The following PTPRF variants were observed in gnomAD, a reference collection of about 807,000 sequenced individuals.
The protein encoded by PTPRF is protein tyrosine phosphatase receptor type F.
A neutral mutation model predicts 201.8 loss-of-function variants in PTPRF; 59 were observed. That is an observed-to-expected ratio of 0.29 (90% CI 0.24 to 0.36). The LOEUF is 0.36. PTPRF is among the 10% of genes least tolerant of loss of function. The pLI is 1.00. For missense variants in PTPRF, 2,132 were observed against 2,690.5 expected (o/e 0.79, Z 4.59); for synonymous variants, 1,088 against 1,089.7 (o/e 1.00, Z 0.03).
rs371590321 is a variant in PTPRF at position 43,603,376 on chromosome 1, G to A, written c.2341-40G>A. Reference sequence around the variant, plus strand: ...CCCTGACAAGGTCTGGCCTCTCCCTGCATTCTTGTGATGGGAACGAACCCC... The same window carrying A: ...CCCTGACAAGGTCTGGCCTCTCCCTACATTCTTGTGATGGGAACGAACCCC... On this transcript the variant is annotated intron_variant, in intron 14 of 33. Coordinates refer to ENST00000359947, the MANE Select transcript of PTPRF (RefSeq NM_002840.5). This position sits in a 1 kb window ranked among gnomAD's most constrained non-coding sequence, Gnocchi z 5.8. 5 of 1,573,348 alleles carry A rather than the reference G, an allele frequency of 3.2e-6. No homozygotes were observed. The highest frequency in any genetic ancestry group is 4.4e-6 in the Non-Finnish European group (5 of 1,143,076).
At chr1:43,597,245 CTGTG>C (rs35464570) in intron 11 of PTPRF, among the ~76,000 whole-genome samples, 79 of 152,106 alleles carry the variant, frequency 5.2e-4, no homozygotes, top group African/African-American at 1.7e-3. Flanking sequence ...ATGTGTGAGA[CTGTG>C]TGTGTGAAAC....
chr1:43,526,942 T>C (rs555703986), upstream of PTPRF, among the ~76,000 whole-genome samples: 6 of 152,302 alleles, frequency 3.9e-5, no homozygotes, highest in East Asian at 1.2e-3. Context: ...TCTGGGATTG[T>C]GCAAACCCCT....
At position 43,537,862 on chromosome 1, in the gene PTPRF, C is replaced by G. The variant is rs1045950019; in HGVS notation, c.-125-336C>G. ...GTAGGGCTGCAGAGGTGGGAGGGGC[C>G]GACTCTGCTTGGCTCTGGGGTCATG... is the stretch of plus-strand genomic sequence containing the variant. On this transcript the variant is annotated intron_variant, in intron 1 of 33. Coordinates refer to ENST00000359947, the MANE Select transcript of PTPRF (RefSeq NM_002840.5). This position sits in a 1 kb window ranked among gnomAD's most constrained non-coding sequence, Gnocchi z 4.8. 6.6e-6 allele frequency among the ~76,000 whole-genome samples: 1 copy of G among 152,042 alleles called. No individual in the cohort carries two copies. The highest frequency in any genetic ancestry group is 1.5e-5 in the Non-Finnish European group (1 of 68,008).
chr1:43,523,348 A>G (rs549751736), upstream of PTPRF, among the ~76,000 whole-genome samples: 4 of 152,318 alleles, frequency 2.6e-5, no homozygotes, highest in East Asian at 3.9e-4. Context: ...ACAGTACTCA[A>G]TGCTGTAGGC....
upstream of PTPRF, among the ~76,000 whole-genome samples, chr1:43,526,498 T>C (rs1643116930): frequency 6.6e-6 from 1 of 152,132 alleles, no homozygotes; most frequent in African/African-American, 2.4e-5. Flanking sequence ...GTCCTGGGCC[T>C]TTTTTCTCCC....
chr1:43,526,361 G>A (rs1643109063), upstream of PTPRF, among the ~76,000 whole-genome samples: 1 of 152,162 alleles, frequency 6.6e-6, no homozygotes, highest in Non-Finnish European at 1.5e-5. Flanking sequence ...TTGGGAGGCT[G>A]AGGCTGGAGG....
chr1:43,560,309 G>A (rs1211196155), intron 5 of PTPRF, among the ~76,000 whole-genome samples: 1 of 151,458 alleles, frequency 6.6e-6, no homozygotes, highest in Admixed American at 6.6e-5. Context: ...AGCAGGCCAT[G>A]TGTGTGGTGC....
intron 7 of PTPRF, chr1:43,583,026 T>A (rs1648139974): frequency 1.0e-6 from 1 of 968,896 alleles, no homozygotes; most frequent in Non-Finnish European, 1.2e-6. Context: ...GTCTTTTTTT[T>A]ATTCCCTCCT....
In PTPRF at chr1:43,602,065, G is replaced by A; in HGVS notation, c.2314-6G>A. 2 of 1,612,742 alleles carry A rather than the reference G, an allele frequency of 1.2e-6. No individual in the cohort carries two copies. Among genetic ancestry groups the A allele is most frequent in the African/African-American group, 1.3e-5 (1 of 74,996 alleles). On this transcript the variant is annotated splice_region_variant and splice_polypyrimidine_tract_variant and intron_variant, in intron 13 of 33. Coordinates refer to ENST00000359947, the MANE Select transcript of PTPRF (RefSeq NM_002840.5). Reference sequence around the variant, plus strand: ...GTCTCCCTTTCTCTCCCTCTCCCGCGGTCAGTGGCGGCCAGAGGAGTCCGA... The same window carrying A: ...GTCTCCCTTTCTCTCCCTCTCCCGCAGTCAGTGGCGGCCAGAGGAGTCCGA...
At position 43,603,421 on chromosome 1, in the gene PTPRF, C is replaced by G. The variant is rs1473849838; in HGVS notation, c.2346C>G (p.Thr782=). 1 of 1,613,960 alleles carries G rather than the reference C, an allele frequency of 6.2e-7. No individual in the cohort carries two copies. Among genetic ancestry groups the G allele is most frequent in the South Asian group, 1.1e-5 (1 of 91,074 alleles). Residue 782 remains threonine (T), a synonymous_variant, in exon 15 of 34, where the codon ACC becomes ACG. Coordinates refer to ENST00000359947, the MANE Select transcript of PTPRF (RefSeq NM_002840.5). The surrounding 1 kb of genome is among the most constrained non-coding windows in gnomAD (Gnocchi z 5.8). The part of the protein sequence containing the change: ...WRPEESEDYE[T]TISGLTPETT... ...AACCCCTCCTCCTCCCTCAGGAAAC[C>G]ACTATCAGCGGCCTGACCCCGGAGA...
intron 5 of PTPRF, among the ~76,000 whole-genome samples, chr1:43,566,732 T>C (rs1646212903): frequency 6.6e-6 from 1 of 152,200 alleles, no homozygotes; most frequent in Admixed American, 6.5e-5. Flanking sequence ...AGCCCTCCTG[T>C]AAGACCCACT....
At chr1:43,529,410 A>G (rs1643265698), upstream of PTPRF, among the ~76,000 whole-genome samples, 1 of 152,204 alleles carries the variant, frequency 6.6e-6, no homozygotes, top group South Asian at 2.1e-4. Context: ...ACACCACAGC[A>G]ACCATGCCCT....
rs1003687156 is a variant in PTPRF, at chr1:43,560,731, C to T, written c.379+6790C>T. Among the ~76,000 whole-genome samples, 4 of 152,254 alleles carry T rather than the reference C, an allele frequency of 2.6e-5. No homozygotes were observed. The South Asian group carries it at 8.3e-4, about 32-fold the overall frequency. On this transcript the variant is annotated intron_variant, in intron 5 of 33. Transcript: ENST00000359947. ...AGCTGTTCTCAGCACCTGTTGTGGT[C>T]GACCTCAGCAGCTCCTCTGTAGCCA... is the stretch of plus-strand genomic sequence containing the variant.
intron 16 of PTPRF, 71 bp downstream of exon 16, chr1:43,604,260 A>ACTGACCTCTGGCGACTGTGATC (rs1654505380): frequency 2.7e-5 from 41 of 1,501,670 alleles, no homozygotes; most frequent in South Asian, 2.5e-4. Flanking sequence ...TCCTTGAGCC[A>ACTGACCTCTGGCGACTGTGATC]CTGACCTCTG....
chr1:43,618,054 T>C (rs1410288295), intron 25 of PTPRF, 143 bp downstream of exon 25: 1 of 876,222 alleles, frequency 1.1e-6, no homozygotes, highest in Non-Finnish European at 1.7e-6. Flanking sequence ...GGGGGTATTA[T>C]GCTCCCCAAA....
At chr1:43,617,976 A>G in intron 25 of PTPRF, 65 bp downstream of exon 25, 1 of 1,502,866 alleles carries the variant, frequency 6.7e-7, no homozygotes, top group Non-Finnish European at 9.0e-7. Context: ...GATACAGGGC[A>G]CCTTCTTCTG....
At chr1:43,541,517 G>T (rs1244428326) in intron 2 of PTPRF, among the ~76,000 whole-genome samples, 2 of 152,176 alleles carry the variant, frequency 1.3e-5, no homozygotes, top group Non-Finnish European at 2.9e-5. Flanking sequence ...TGATTCCCAG[G>T]CTCTTTGGTT....
chr1:43,592,676 C>T (rs1479247932), intron 11 of PTPRF, 75 bp downstream of exon 11: 3 of 1,429,214 alleles, frequency 2.1e-6, no homozygotes, highest in Non-Finnish European at 2.8e-6. Context: ...CACATCCTTC[C>T]CCCTCGACCA....
Position 43,621,212 on chromosome 1 carries a change from C to T in PTPRF, c.5635C>T (p.Pro1879Ser). The change falls in exon 33 of 34, where the codon CCT (proline) becomes TCT (serine). Residue 1879 changes from proline to serine, a missense_variant. Physicochemically the swap from Pro to Ser is moderately conservative, Grantham distance 74 (BLOSUM62 -1). Around this residue, in one of 6 missense-constraint regions of PTPRF, gnomAD observed 519 missense variants for 659.5 expected, o/e 0.79. Coordinates refer to ENST00000359947, the MANE Select transcript of PTPRF (RefSeq NM_002840.5). The stretch of plus-strand genomic sequence containing the variant: ...CGTGAAGACCCTGCGTACACAGCGT[C>T]CTGCCATGGTGCAGACAGAGGTAAC... ...QTVKTLRTQR[P>S]AMVQTEDQYQ... 2 of 1,614,146 alleles carry T rather than the reference C, an allele frequency of 1.2e-6. No homozygotes were observed. The highest frequency in any genetic ancestry group is 1.7e-6 in the Non-Finnish European group (2 of 1,179,984).
Sources: allele counts gnomAD v4.1 joint callset (sites outside exome capture counted in the v4.1 genomes callset), GRCh38; gene constraint gnomAD v4.1.1; regional missense constraint gnomAD v4.1.1; non-coding constraint Gnocchi (gnomAD v3.1); transcripts MANE v1.5; gene names NCBI Gene and HGNC (gene_info 2026-07-23, HGNC 2026-07-21).